The following SOX6 variants were observed in gnomAD, a reference collection of about 807,000 sequenced individuals.
The protein encoded by SOX6 is SRY-box transcription factor 6.
A neutral mutation model predicts 97.8 loss-of-function variants in SOX6; 11 were observed. The observed-to-expected ratio is 0.11, with a 90% CI of 0.07 to 0.19. SOX6 has a LOEUF of 0.19. Ranked by LOEUF, SOX6 falls within the 10% of genes least tolerant of loss-of-function variation. The probability of loss-of-function intolerance (pLI) is 1.00; values close to 1 mark genes in which losing one functional copy is unlikely to be tolerated. For missense variants in SOX6, 810 were observed against 1,039.5 expected, an observed-to-expected ratio of 0.78 and a Z score of 3.04; for synonymous variants, 360 against 371.4, an observed-to-expected ratio of 0.97 and a Z score of 0.35.
At chr11:16,566,791 C>G (rs888943533) in intron 4 of SOX6, among the ~76,000 whole-genome samples, 1 of 152,178 alleles carries the variant, frequency 6.6e-6, no homozygotes, top group East Asian at 1.9e-4. Context: ...AAATTAAACA[C>G]GGGACTTTCA....
intron 12 of SOX6, among the ~76,000 whole-genome samples, chr11:16,041,412 C>T (rs777240566): frequency 1.3e-4 from 20 of 152,176 alleles, no homozygotes; most frequent in African/African-American, 1.7e-4. Context: ...GGCAGTATTA[C>T]ATCAGTGTAA....
intron 4 of SOX6, among the ~76,000 whole-genome samples, chr11:16,532,159 T>C (rs950016312): frequency 6.6e-6 from 1 of 151,896 alleles, no homozygotes; most frequent in Non-Finnish European, 1.5e-5. Context: ...GTTTGTAACA[T>C]GCTTCTCATT....
intron 1 of SOX6, among the ~76,000 whole-genome samples, chr11:16,433,123 T>A (rs1422868711): frequency 6.6e-6 from 1 of 152,068 alleles, no homozygotes; most frequent in Non-Finnish European, 1.5e-5. Flanking sequence ...CCAAAAACTT[T>A]AGGTTCGCAG....
chr11:16,432,523 A>G (rs926664507), intron 1 of SOX6, among the ~76,000 whole-genome samples: 2 of 152,152 alleles, frequency 1.3e-5, no homozygotes, highest in Non-Finnish European at 2.9e-5. Context: ...GATGTATCCA[A>G]TGATACAAAT....
chr11:16,066,294 A>C (rs1409768559), intron 9 of SOX6, among the ~76,000 whole-genome samples: 1 of 152,164 alleles, frequency 6.6e-6, no homozygotes, highest in Non-Finnish European at 1.5e-5. Context: ...ATCCCTGTAC[A>C]CTGTTGGTGA....
intron 3 of SOX6, among the ~76,000 whole-genome samples, chr11:16,641,447 T>C (rs1404117756): frequency 1.3e-5 from 2 of 152,160 alleles, no homozygotes; most frequent in East Asian, 1.9e-4. Context: ...CTGAGTTCAA[T>C]TCCTGGATAT....
At chr11:16,207,573 G>T (rs1442277510) in intron 4 of SOX6, among the ~76,000 whole-genome samples, 1 of 147,522 alleles carries the variant, frequency 6.8e-6, no homozygotes, top group African/African-American at 2.5e-5. Context: ...CACCTTGGGC[G>T]ACAGAGCGAG....
chr11:16,308,884 A>G (rs2134286235), intron 3 of SOX6, among the ~76,000 whole-genome samples: 1 of 152,334 alleles, frequency 6.6e-6, no homozygotes, highest in South Asian at 2.1e-4. Flanking sequence ...ATTCAGATAC[A>G]ACAAAAGGAA....
chr11:16,209,198 A>G (rs1852151500), intron 4 of SOX6, among the ~76,000 whole-genome samples: 1 of 152,238 alleles, frequency 6.6e-6, no homozygotes, highest in Non-Finnish European at 1.5e-5. Flanking sequence ...ATTTTAAACA[A>G]ATTAGTATTT....
At chr11:16,020,967 A>G (rs1412057225) in intron 12 of SOX6, among the ~76,000 whole-genome samples, 1 of 152,218 alleles carries the variant, frequency 6.6e-6, no homozygotes, top group Non-Finnish European at 1.5e-5. Context: ...AGTATCTAAA[A>G]GGGCAATAAT....
At chr11:16,307,967 T>C (rs1024540503) in intron 3 of SOX6, among the ~76,000 whole-genome samples, 1 of 152,188 alleles carries the variant, frequency 6.6e-6, no homozygotes, top group African/African-American at 2.4e-5. Flanking sequence ...AGAGTACTTG[T>C]CTGTTCTCTC....
chr11:16,349,081 C>T (rs903605711), intron 1 of SOX6, among the ~76,000 whole-genome samples: 5 of 151,992 alleles, frequency 3.3e-5, no homozygotes, highest in Middle Eastern at 3.2e-3. Context: ...ATGGTTCTCC[C>T]GCACTCCAAA....
intron 4 of SOX6, among the ~76,000 whole-genome samples, chr11:16,600,708 A>G (rs10832649): frequency 0.22 from 33,462 of 152,162 alleles, 4,257 homozygotes; most frequent in Middle Eastern, 0.31. Flanking sequence ...TGTCTAAACA[A>G]AATAATTAAC....
chr11:16,093,108 G>C (rs1848726653), intron 9 of SOX6, among the ~76,000 whole-genome samples: 1 of 151,974 alleles, frequency 6.6e-6, no homozygotes. Flanking sequence ...ACTGTAGCAA[G>C]TGCTCTCTGT....
At chr11:16,488,032 C>A (rs1860462490) in intron 4 of SOX6, among the ~76,000 whole-genome samples, 1 of 152,086 alleles carries the variant, frequency 6.6e-6, no homozygotes, top group African/African-American at 2.4e-5. Flanking sequence ...GTATGTGGCA[C>A]TTTACATTTT....
At chr11:16,339,947 T>C (rs1856579768) in intron 2 of SOX6, among the ~76,000 whole-genome samples, 1 of 152,086 alleles carries the variant, frequency 6.6e-6, no homozygotes, top group South Asian at 2.1e-4. Flanking sequence ...TGTACAATTT[T>C]GATCCCTTTC....
intron 6 of SOX6, among the ~76,000 whole-genome samples, chr11:16,135,828 C>A (rs980356641): frequency 6.6e-6 from 1 of 152,076 alleles, no homozygotes; most frequent in African/African-American, 2.4e-5. Flanking sequence ...GTGGGTAAAA[C>A]GTTATCAAAT....
At chr11:15,980,959 CAT>C (rs35655019) in intron 15 of SOX6, among the ~76,000 whole-genome samples, 6,957 of 152,082 alleles carry the variant, frequency 0.046, 570 homozygotes, top group East Asian at 0.39. Context: ...CTCTGAAACT[CAT>C]GTGTACAGAA....
At chr11:16,113,496 C>T (rs776332837) in intron 6 of SOX6, among the ~76,000 whole-genome samples, 2 of 152,134 alleles carry the variant, frequency 1.3e-5, no homozygotes, top group Admixed American at 1.3e-4. Context: ...AAGAAAAGCA[C>T]CGGGTTTGCT....
Sources: gnomAD v4.1 joint callset for allele counts (sites outside exome capture counted in the v4.1 genomes callset) on GRCh38, gnomAD v4.1.1 for gene constraint, MANE v1.5 for transcripts, NCBI Gene and HGNC (gene_info 2026-07-23, HGNC 2026-07-21) for gene names.